DACH2: variants seen among roughly 807,000 people sequenced by gnomAD.
DACH2 encodes the protein dachshund homolog 2.
In DACH2, 17 loss-of-function variants were observed where a neutral mutation model predicts 35.8. The ratio of observed to expected loss-of-function variants is 0.48; its 90% confidence interval spans 0.33 to 0.71. The LOEUF (loss-of-function observed/expected upper bound fraction) is 0.71. DACH2 is among the 30% of genes least tolerant of loss of function. The probability of loss-of-function intolerance (pLI) is 0.02; values close to 1 mark genes in which losing one functional copy is unlikely to be tolerated. For missense variants in DACH2, 469 were observed against 472.7 expected (o/e 0.99, Z 0.07); for synonymous variants, 195 against 177.3 (o/e 1.10, Z -0.79).
At chrX:86,552,947 A>C (rs772433936) in intron 3 of DACH2, among the ~76,000 whole-genome samples, 1 of 111,269 alleles carries the variant, frequency 9.0e-6, no homozygotes, top group Non-Finnish European at 1.9e-5. Flanking sequence ...GGGACCAAAC[A>C]ACAGACACAT....
intron 4 of DACH2, among the ~76,000 whole-genome samples, chrX:86,680,288 A>G (rs767673011): frequency 8.9e-6 from 1 of 112,309 alleles, no homozygotes; most frequent in Admixed American, 9.5e-5. Context: ...TCCAGCCATT[A>G]GCACAAAATA....
chrX:86,657,797 C>T (rs1471977987), intron 4 of DACH2, among the ~76,000 whole-genome samples: 1 of 111,232 alleles, frequency 9.0e-6, no homozygotes, highest in Non-Finnish European at 1.9e-5. Flanking sequence ...GTGGCTAAAT[C>T]CCCTGAAGGC....
At chrX:86,186,810 C>T (rs2031696434) in intron 1 of DACH2, among the ~76,000 whole-genome samples, 1 of 111,700 alleles carries the variant, frequency 9.0e-6, no homozygotes, top group Non-Finnish European at 1.9e-5. Flanking sequence ...AATCAATTAA[C>T]ATTTTTCTAA....
chrX:86,215,436 A>C (rs181232386), intron 1 of DACH2, among the ~76,000 whole-genome samples: 1 of 112,035 alleles, frequency 8.9e-6, no homozygotes, highest in Non-Finnish European at 1.9e-5. Context: ...TATATAAGCT[A>C]TGAGTTTACT....
chrX:86,717,984 C>A (rs997769750), intron 6 of DACH2, among the ~76,000 whole-genome samples: 2 of 108,814 alleles, frequency 1.8e-5, no homozygotes, highest in African/African-American at 3.3e-5. Context: ...GTACAGATAT[C>A]TTTTTGATAT....
chrX:86,515,436 A>T (rs1387178519), intron 3 of DACH2, among the ~76,000 whole-genome samples: 3 of 110,226 alleles, frequency 2.7e-5, no homozygotes, highest in Admixed American at 9.8e-5. Context: ...AAGAGTACAG[A>T]TAGATGAGAA....
At chrX:86,401,760 A>T (rs755837512) in intron 2 of DACH2, among the ~76,000 whole-genome samples, 2 of 110,161 alleles carry the variant, frequency 1.8e-5, no homozygotes, top group Non-Finnish European at 3.8e-5. Context: ...TAATGCCCCG[A>T]TGAACATAGA....
At chrX:86,444,623 G>T (rs922591311) in intron 2 of DACH2, among the ~76,000 whole-genome samples, 9 of 111,404 alleles carry the variant, frequency 8.1e-5, no homozygotes, top group Non-Finnish European at 1.5e-4. Flanking sequence ...GGTATCAGTT[G>T]TAATATCTCC....
chrX:86,793,234 T>G (rs903012767), intron 7 of DACH2, among the ~76,000 whole-genome samples: 2 of 109,936 alleles, frequency 1.8e-5, no homozygotes, highest in African/African-American at 3.3e-5. Flanking sequence ...TTTTTTGGGT[T>G]TTTTTTTGCT....
chrX:86,767,665 CTACCCTTCATTA>C (rs1444186564), intron 7 of DACH2, among the ~76,000 whole-genome samples: 1 of 111,941 alleles, frequency 8.9e-6, no homozygotes, highest in Non-Finnish European at 1.9e-5. Context: ...TTGGTCTAGG[CTACCCTTCATTA>C]TACTGGATGA....
chrX:86,823,430 A>G (rs753013126), intron 11 of DACH2, among the ~76,000 whole-genome samples: 1 of 112,017 alleles, frequency 8.9e-6, no homozygotes, highest in African/African-American at 3.2e-5. Context: ...TGACCCTTTC[A>G]AGTTTACATT....
intron 1 of DACH2, among the ~76,000 whole-genome samples, chrX:86,299,180 A>T (rs964437767): frequency 8.9e-6 from 1 of 112,533 alleles, no homozygotes; most frequent in East Asian, 2.8e-4. Flanking sequence ...AAGGTACACA[A>T]ATGTTATTTG....
intron 1 of DACH2, among the ~76,000 whole-genome samples, chrX:86,210,814 A>C (rs763763728): frequency 8.9e-6 from 1 of 112,099 alleles, no homozygotes; most frequent in African/African-American, 3.2e-5. Context: ...AGCCATTACA[A>C]GTTGCCGTAT....
intron 7 of DACH2, among the ~76,000 whole-genome samples, chrX:86,764,135 A>G (rs1170344819): frequency 1.8e-5 from 2 of 112,527 alleles, no homozygotes; most frequent in East Asian, 2.8e-4. Flanking sequence ...AATAAATATT[A>G]TAACAAATTT....
chrX:86,469,245 TA>T (rs2037724573), intron 2 of DACH2, among the ~76,000 whole-genome samples: 1 of 110,879 alleles, frequency 9.0e-6, no homozygotes, highest in Non-Finnish European at 1.9e-5. Flanking sequence ...CACAAAATTT[TA>T]GTTAGACAAT....
At chrX:86,779,543 G>C (rs1569481392) in intron 7 of DACH2, among the ~76,000 whole-genome samples, 1 of 111,565 alleles carries the variant, frequency 9.0e-6, no homozygotes, top group African/African-American at 3.3e-5. Flanking sequence ...GATATAACCT[G>C]ATTTATGTCT....
chrX:86,662,293 G>T (rs139146397), intron 4 of DACH2, among the ~76,000 whole-genome samples: 5,325 of 111,319 alleles, frequency 0.048, 143 homozygotes, highest in East Asian at 0.15. Context: ...TGGGACAAAG[G>T]CATGTCTATT....
At chrX:86,474,311 G>A (rs1205450965) in intron 2 of DACH2, among the ~76,000 whole-genome samples, 1 of 111,236 alleles carries the variant, frequency 9.0e-6, no homozygotes, top group Non-Finnish European at 1.9e-5. Flanking sequence ...CCTATTTTGT[G>A]GGTTGTGTCT....
At chrX:86,395,343 T>C (rs2036267666) in intron 2 of DACH2, among the ~76,000 whole-genome samples, 2 of 111,548 alleles carry the variant, frequency 1.8e-5, no homozygotes, top group African/African-American at 3.2e-5. Flanking sequence ...AATTATGTGA[T>C]ACAACAAACT....
Sources: allele counts gnomAD v4.1 joint callset (sites outside exome capture counted in the v4.1 genomes callset), GRCh38; gene constraint gnomAD v4.1.1; transcripts MANE v1.5; gene names NCBI Gene and HGNC (gene_info 2026-07-23, HGNC 2026-07-21).